NME7: variants seen among roughly 807,000 people sequenced by gnomAD.
NME7 encodes the protein NME/NM23 family member 7.
A neutral mutation model predicts 49.1 loss-of-function variants in NME7; 41 were observed. The observed-to-expected ratio is 0.83, with a 90% CI of 0.65 to 1.08. The LOEUF is 1.08. NME7 is among the 50% of genes least tolerant of loss of function. The pLI, the probability that NME7 is intolerant of heterozygous loss-of-function variation, is 0.00. For missense variants in NME7, 423 were observed against 463.4 expected, an observed-to-expected ratio of 0.91 and a Z score of 0.80; for synonymous variants, 139 against 150.6, an observed-to-expected ratio of 0.92 and a Z score of 0.56.
rs1660836678 is a variant in NME7, at chr1:169,212,005, A to G, written c.990+18713T>C. On this transcript the variant is annotated intron_variant, in intron 10 of 11. Transcript: ENST00000367811. ...ATGTTTCTTCTTTTTATATTCACAG[A>G]GAGAGTAATTATTTTCAACAAATTT... Among the ~76,000 whole-genome samples the G allele has an allele frequency of 2.0e-5, 3 of 152,226 alleles. No homozygotes were observed. In the South Asian group the frequency reaches 6.2e-4, roughly 32 times the overall value.
chr1:169,270,096 TAC>T lies in NME7; in HGVS notation c.754+17205_754+17206del, dbSNP rs1398190757. On this transcript the variant is annotated intron_variant, in intron 7 of 11. Coordinates refer to ENST00000367811, the MANE Select transcript of NME7 (RefSeq NM_013330.5). ...AAAATTTTCCTTTATAAGAATTTTC[TAC>T]ACAGTTTCACAGAATAATAGAATAA... Among the ~76,000 whole-genome samples the T allele has an allele frequency of 1.9e-4, 25 of 134,132 alleles. 2 individuals are homozygous for T. Among genetic ancestry groups the T allele is most frequent in the African/African-American group, 6.3e-4 (25 of 39,638 alleles). The allele number at this position is 134,132 out of a possible 152,430, so 88.0% of individuals were successfully genotyped here. A position where few individuals can be genotyped will look rare whatever the true frequency, so the allele number is the denominator to read the frequency against.
At chr1:169,237,723 A>T in intron 7 of NME7, 36 bp from the exon 8 acceptor site, 5 of 1,532,714 alleles carry the variant, frequency 3.3e-6, no homozygotes, top group Non-Finnish European at 4.5e-6. Context: ...AAAATACAAA[A>T]TTTTAAGACA....
At chr1:169,331,945 A>G (rs953949009) in intron 1 of NME7, among the ~76,000 whole-genome samples, 3 of 152,138 alleles carry the variant, frequency 2.0e-5, no homozygotes, top group Admixed American at 6.5e-5. Context: ...GTCGTTCTTC[A>G]AAGAATAGAA....
rs146488933 is a variant in NME7 at position 169,348,549 on chromosome 1, A to G, written c.3+19159T>C. Among the ~76,000 whole-genome samples the G allele has an allele frequency of 4.7e-3, 718 of 152,284 alleles. 7 individuals are homozygous for G. The highest frequency in any genetic ancestry group is 0.016 in the African/African-American group (681 of 41,568). ...AATAGCATTCGAATGCCACTTCAAT[A>G]TGATTAAAATTAATAAGCAACTAAT... On this transcript the variant is annotated intron_variant, in intron 1 of 11. Transcript: ENST00000367811.
intron 9 of NME7, among the ~76,000 whole-genome samples, chr1:169,231,041 C>T (rs1647592354): frequency 6.6e-6 from 1 of 152,078 alleles, no homozygotes; most frequent in South Asian, 2.1e-4. Context: ...TAATATAATG[C>T]TTTATCATCC....
chr1:169,342,227 A>C (rs1053394604), intron 1 of NME7, among the ~76,000 whole-genome samples: 3 of 151,910 alleles, frequency 2.0e-5, no homozygotes, highest in African/African-American at 7.3e-5. Flanking sequence ...CATGATAGTG[A>C]GGGAGTCCTC....
chr1:169,315,084 AT>A (rs1188241576), intron 3 of NME7, among the ~76,000 whole-genome samples: 2 of 152,138 alleles, frequency 1.3e-5, no homozygotes, highest in East Asian at 3.8e-4. Context: ...TAGACAAATG[AT>A]AATTACATTA....
intron 10 of NME7, among the ~76,000 whole-genome samples, chr1:169,184,608 C>T (rs1482418470): frequency 6.6e-6 from 1 of 152,150 alleles, no homozygotes. Context: ...ATCAATTGGT[C>T]ATTACCTAAT....
chr1:169,216,946 T>C (rs943674811), intron 10 of NME7, among the ~76,000 whole-genome samples: 5 of 152,188 alleles, frequency 3.3e-5, no homozygotes, highest in African/African-American at 1.2e-4. Context: ...AGAGTAGCTC[T>C]TCAATGTCCT....
rs377403791 is a variant in NME7 at position 169,298,755 on chromosome 1, A to G, written c.449T>C (p.Ile150Thr). 57 of 1,613,242 alleles carry G rather than the reference A, an allele frequency of 3.5e-5. No individual in the cohort carries two copies. In the East Asian group the frequency reaches 7.6e-4, roughly 21 times the overall value. Residue 150 changes from isoleucine to threonine, a missense_variant, in exon 6 of 12, where the codon ATC becomes ACC. By Grantham distance (89) the Ile-to-Thr change is moderately conservative (BLOSUM62 -1). Coordinates refer to ENST00000367811, the MANE Select transcript of NME7 (RefSeq NM_013330.5). ...HQSRPFFNEL[I>T]QFITTGPIIA... ...AATAGGACCAGTTGTAATAAACTGG[A>G]TCAGCTCACTACAAAACAGATAGAA...
chr1:169,214,681 C>T (rs1436792616), intron 10 of NME7, among the ~76,000 whole-genome samples: 2 of 152,194 alleles, frequency 1.3e-5, no homozygotes, highest in African/African-American at 4.8e-5. Context: ...TCATGAGACC[C>T]ATGACAGCGG....
intron 4 of NME7, 109 bp from the exon 5 acceptor site, chr1:169,303,304 TA>T (rs1237409807): frequency 9.0e-5 from 40 of 444,838 alleles, no homozygotes; most frequent in African/African-American, 7.8e-4. Context: ...TATACTAATT[TA>T]TATTTTAATT....
Position 169,303,169 on chromosome 1 carries a change from T to G in NME7, c.416A>C (p.Asp139Ala). The G allele has an allele frequency of 1.3e-6, 2 of 1,569,500 alleles. No homozygotes were observed. The highest frequency in any genetic ancestry group is 1.7e-6 in the Non-Finnish European group (2 of 1,153,686). Residue 139 changes from aspartate (D) to alanine (A), a missense_variant, in exon 5 of 12, where the codon GAT becomes GCT. Physicochemically the swap from Asp to Ala is moderately radical, Grantham distance 126. Transcript: ENST00000367811. The part of the protein sequence containing the change: ...SRKEALDFHV[D>A]HQSRPFFNEL... Reference sequence around the variant, plus strand: ...CTTGAAAAAGGGTCTTGACTGGTGATCTACATGAAAATCCAATGCTTCTTT... The same window carrying G: ...CTTGAAAAAGGGTCTTGACTGGTGAGCTACATGAAAATCCAATGCTTCTTT...
intron 10 of NME7, among the ~76,000 whole-genome samples, chr1:169,186,146 A>T (rs1381588403): frequency 6.6e-6 from 1 of 152,180 alleles, no homozygotes; most frequent in Admixed American, 6.5e-5. Context: ...TACATTGGGG[A>T]ATTGTAATAA....
chr1:169,209,952 G>A (rs1224264682), intron 10 of NME7, among the ~76,000 whole-genome samples: 1 of 151,940 alleles, frequency 6.6e-6, no homozygotes, highest in African/African-American at 2.4e-5. Flanking sequence ...ATAATTTCTT[G>A]CACAATTATC....
Position 169,341,739 on chromosome 1 carries a change from G to C in NME7, c.4-17239C>G, listed in dbSNP as rs77100467. On this transcript the variant is annotated intron_variant, in intron 1 of 11. Transcript: ENST00000367811. ...GCCCTGGGTGTGAGACATGGAATCAGAGGAGACCATTCTGGAGCTTTAATG... is the reference window on the plus strand; with the variant it reads ...GCCCTGGGTGTGAGACATGGAATCACAGGAGACCATTCTGGAGCTTTAATG... Among the ~76,000 whole-genome samples the C allele has an allele frequency of 5.9e-3, 898 of 152,310 alleles. 3 individuals carry two copies. The highest frequency in any genetic ancestry group is 9.0e-3 in the Non-Finnish European group (611 of 68,018).
At chr1:169,178,085 C>T (rs969644880) in intron 10 of NME7, among the ~76,000 whole-genome samples, 7 of 152,032 alleles carry the variant, frequency 4.6e-5, no homozygotes, top group South Asian at 2.1e-4. Flanking sequence ...AGGATCTGCC[C>T]GCCTCGGCCT....
chr1:169,134,245 C>G (rs916893512), intron 11 of NME7, among the ~76,000 whole-genome samples: 2 of 152,324 alleles, frequency 1.3e-5, no homozygotes, highest in African/African-American at 4.8e-5. Flanking sequence ...TCCTCTGCTG[C>G]TCATATTCTA....
intron 7 of NME7, among the ~76,000 whole-genome samples, chr1:169,254,026 T>C (rs1302144711): frequency 6.6e-6 from 1 of 151,462 alleles, no homozygotes; most frequent in African/African-American, 2.4e-5. Context: ...AAAATTCTCT[T>C]TTTTGGTTGT....
Sources: gnomAD v4.1 joint callset for allele counts (sites outside exome capture counted in the v4.1 genomes callset) on GRCh38, gnomAD v4.1.1 for gene constraint, MANE v1.5 for transcripts, NCBI Gene and HGNC (gene_info 2026-07-23, HGNC 2026-07-21) for gene names.